EMCN: variants seen among roughly 807,000 people sequenced by gnomAD.
EMCN encodes endomucin.
In EMCN, 37 loss-of-function variants were observed where a neutral mutation model predicts 38.4. The observed-to-expected ratio is 0.96, with a 90% CI of 0.74 to 1.27. EMCN has a LOEUF of 1.27. Among genes scored for constraint, EMCN ranks in the 50% most tolerant of loss-of-function variants. The pLI is 0.00. For missense variants in EMCN, 318 were observed against 302.8 expected (o/e 1.05, Z -0.37); for synonymous variants, 95 against 100.8 (o/e 0.94, Z 0.35).
At chr4:100,457,357 A>T (rs1276685553) in intron 4 of EMCN, among the ~76,000 whole-genome samples, 1 of 152,116 alleles carries the variant, frequency 6.6e-6, no homozygotes, top group Non-Finnish European at 1.5e-5. Flanking sequence ...TATTCAATAG[A>T]AGTGATGAGA....
intron 1 of EMCN, among the ~76,000 whole-genome samples, chr4:100,504,002 G>A (rs1250258696): frequency 1.3e-5 from 2 of 152,156 alleles, no homozygotes; most frequent in Non-Finnish European, 2.9e-5. Context: ...AAATTTTCAA[G>A]TAAAATATCT....
chr4:100,403,464 TGG>T (rs1482660647), intron 11 of EMCN, among the ~76,000 whole-genome samples: 2 of 107,084 alleles, frequency 1.9e-5, no homozygotes, highest in East Asian at 6.3e-3. Flanking sequence ...TCTAGGTTGG[TGG>T]GCATCTAGGT....
intron 1 of EMCN, among the ~76,000 whole-genome samples, chr4:100,505,575 T>C (rs34619498): frequency 0.023 from 3,437 of 152,208 alleles, 58 homozygotes; most frequent in Non-Finnish European, 0.036. Flanking sequence ...TTCACCCACA[T>C]GAGGCAAGGA....
At chr4:100,436,776 C>T (rs558277401) in intron 5 of EMCN, among the ~76,000 whole-genome samples, 111 of 152,262 alleles carry the variant, frequency 7.3e-4, no homozygotes, top group Admixed American at 1.4e-3. Flanking sequence ...AAACCAAACA[C>T]TGTATGTTCT....
At chr4:100,427,422 C>G (rs1331079872) in intron 5 of EMCN, among the ~76,000 whole-genome samples, 6 of 151,660 alleles carry the variant, frequency 4.0e-5, no homozygotes, top group African/African-American at 1.5e-4. Flanking sequence ...CAGGTGTGCA[C>G]CACCACACCC....
At chr4:100,447,675 A>G (rs1727716388) in intron 4 of EMCN, 104 bp from the exon 5 acceptor site, 1 of 643,760 alleles carries the variant, frequency 1.6e-6, no homozygotes, top group Non-Finnish European at 2.7e-6. Flanking sequence ...ATTTTAGCTC[A>G]TTTCTGATTC....
intron 10 of EMCN, among the ~76,000 whole-genome samples, chr4:100,414,348 CTTTTTTTTTTTT>C (rs5860622): frequency 2.3e-3 from 135 of 59,810 alleles, no homozygotes; most frequent in African/African-American, 8.4e-3. Context: ...TGCTTGAGCA[CTTTTTTTTTTTT>C]TTTTTTTTTT....
intron 1 of EMCN, among the ~76,000 whole-genome samples, chr4:100,488,875 T>C (rs1408202088): frequency 1.3e-5 from 2 of 152,190 alleles, no homozygotes; most frequent in African/African-American, 4.8e-5. Context: ...AAGTTATTTT[T>C]ACCTTCTAAA....
At chr4:100,447,447 C>T in intron 5 of EMCN, 86 bp downstream of exon 5, 2 of 918,778 alleles carry the variant, frequency 2.2e-6, no homozygotes, top group Non-Finnish European at 3.5e-6. Flanking sequence ...TTCTCCCTGC[C>T]CCCAAACTGA....
chr4:100,513,656 G>A (rs1426168743), intron 1 of EMCN, among the ~76,000 whole-genome samples: 1 of 152,000 alleles, frequency 6.6e-6, no homozygotes, highest in Non-Finnish European at 1.5e-5. Flanking sequence ...CTTATATTTG[G>A]TGCTCACTTT....
intron 11 of EMCN, among the ~76,000 whole-genome samples, chr4:100,401,574 T>C (rs772287625): frequency 2.0e-5 from 3 of 152,160 alleles, no homozygotes; most frequent in Non-Finnish European, 4.4e-5. Flanking sequence ...TGTGTTATTT[T>C]ATTTTAAAAT....
chr4:100,472,379 A>G (rs1296198645), intron 3 of EMCN, among the ~76,000 whole-genome samples: 2 of 151,958 alleles, frequency 1.3e-5, no homozygotes, highest in African/African-American at 4.8e-5. Flanking sequence ...ATTAAAAGTG[A>G]ATAAAATATT....
chr4:100,468,617 A>G (rs1457127880), intron 3 of EMCN, among the ~76,000 whole-genome samples: 2 of 152,110 alleles, frequency 1.3e-5, no homozygotes, highest in African/African-American at 2.4e-5. Flanking sequence ...GTAGACTACT[A>G]GTACTGTGGT....
Position 100,397,336 on chromosome 4 carries a change from A to G in EMCN, c.*1077T>C, listed in dbSNP as rs1726145098. On this transcript the variant is annotated 3_prime_UTR_variant, in exon 12 of 12. Transcript: ENST00000296420. The stretch of plus-strand genomic sequence containing the variant: ...GGTCAAGGTTGATCAGTTAGCTTTT[A>G]ACAGAAGAATTTGCTCCTGATGGAG... 1 of 152,192 alleles carries G rather than the reference A, an allele frequency of 6.6e-6. No homozygotes were observed. The highest frequency in any genetic ancestry group is 1.5e-5 in the Non-Finnish European group (1 of 68,022). The allele number at this position is 152,192 out of a possible 1,614,324, so 9.4% of individuals were successfully genotyped here.
intron 2 of EMCN, among the ~76,000 whole-genome samples, chr4:100,478,284 T>G (rs1728713981): frequency 6.6e-6 from 1 of 152,118 alleles, no homozygotes; most frequent in South Asian, 2.1e-4. Context: ...TAGCTCTCAT[T>G]AGAGACCCTA....
chr4:100,432,439 G>T (rs1473296306), intron 5 of EMCN, among the ~76,000 whole-genome samples: 1 of 152,100 alleles, frequency 6.6e-6, no homozygotes, highest in African/African-American at 2.4e-5. Context: ...ATATTGACTT[G>T]TGTCCTTAGT....
chr4:100,414,202 A>G (rs1370558896), intron 10 of EMCN, among the ~76,000 whole-genome samples: 1 of 152,078 alleles, frequency 6.6e-6, no homozygotes, highest in Non-Finnish European at 1.5e-5. Flanking sequence ...GAGAGCCAAC[A>G]TGACTGCAGA....
chr4:100,516,371 GTCGATGC>G (rs1471154552), intron 1 of EMCN, among the ~76,000 whole-genome samples: 1 of 151,796 alleles, frequency 6.6e-6, no homozygotes, highest in African/African-American at 2.4e-5. Flanking sequence ...TATTGCACTC[GTCGATGC>G]TTGCAGACCT....
chr4:100,446,275 T>C lies in EMCN; in HGVS notation c.415+1258A>G, dbSNP rs533718115. On this transcript the variant is annotated intron_variant, in intron 5 of 11. Transcript: ENST00000296420. ...ATGAAGATGGAAATAATAAAAAATA[T>C]GGTGATTAATGAATTAAAAAAATGG... 3.4e-5 allele frequency: 29 copies of C among 851,334 alleles called. No individual in the cohort carries two copies. In the African/African-American group the frequency reaches 5.1e-4, roughly 15 times the overall value. The allele number at this position is 851,334 out of a possible 1,614,324, so 52.7% of individuals were successfully genotyped here.
Sources: allele counts gnomAD v4.1 joint callset (sites outside exome capture counted in the v4.1 genomes callset), GRCh38; gene constraint gnomAD v4.1.1; transcripts MANE v1.5; gene names NCBI Gene and HGNC (gene_info 2026-07-23, HGNC 2026-07-21).